MAF: variants seen among roughly 807,000 people sequenced by gnomAD.
MAF encodes transcription factor Maf.
Under a neutral mutation model 22.0 loss-of-function variants are expected in MAF, and 10 were observed. The observed-to-expected ratio is 0.45, with a 90% confidence interval of 0.28 to 0.77. The LOEUF is 0.77. MAF is among the 30% of genes least tolerant of loss of function. The pLI is 0.12. For synonymous variants in MAF, 337 were observed against 255.8 expected (o/e 1.32, Z -3.03); for missense variants, 544 against 548.4 (o/e 0.99, Z 0.08).
At chr16:79,266,425 G>A in the MAF span, among the ~76,000 whole-genome samples, 1 of 152,152 alleles carries the variant, frequency 6.6e-6, no homozygotes, top group African/African-American at 2.4e-5. Context: ...CAGAGCAAAG[G>A]GGTAGGTCCC....
At chr16:79,362,292 C>T in the MAF span, among the ~76,000 whole-genome samples, 1 of 152,204 alleles carries the variant, frequency 6.6e-6, no homozygotes, top group Non-Finnish European at 1.5e-5. Flanking sequence ...TAGCGTGCAG[C>T]ATCTGATGAC....
the MAF span, among the ~76,000 whole-genome samples, chr16:79,363,784 G>A: frequency 6.6e-6 from 1 of 152,138 alleles, no homozygotes; most frequent in African/African-American, 2.4e-5. Context: ...AGTTGTAAAG[G>A]ATCATTAAGA....
the MAF span, among the ~76,000 whole-genome samples, chr16:79,257,072 G>C: frequency 6.6e-6 from 1 of 152,152 alleles, no homozygotes; most frequent in African/African-American, 2.4e-5. Context: ...GGTTACTCGG[G>C]AGGCTGAGGC....
chr16:79,266,033 CTTTTCT>C, the MAF span, among the ~76,000 whole-genome samples: 9 of 149,512 alleles, frequency 6.0e-5, no homozygotes, highest in South Asian at 2.1e-4. Flanking sequence ...TTCTTCTTTT[CTTTTCT>C]TTTTCTTTTT....
chr16:79,503,203 T>C, the MAF span, among the ~76,000 whole-genome samples: 2 of 152,280 alleles, frequency 1.3e-5, no homozygotes, highest in African/African-American at 2.4e-5. Context: ...CCTTTGTTTC[T>C]CTTTGTTCAA....
At chr16:79,514,031 TCA>T in the MAF span, among the ~76,000 whole-genome samples, 1 of 152,212 alleles carries the variant, frequency 6.6e-6, no homozygotes, top group Non-Finnish European at 1.5e-5. Context: ...ATATCTGTTC[TCA>T]GTGTCTATTT....
chr16:79,305,219 G>A, the MAF span, among the ~76,000 whole-genome samples: 272 of 152,286 alleles, frequency 1.8e-3, 1 homozygote, highest in Non-Finnish European at 3.5e-3. Flanking sequence ...TATTACTTGG[G>A]CTCAGTGATG....
At chr16:79,360,049 C>G in the MAF span, among the ~76,000 whole-genome samples, 4 of 152,238 alleles carry the variant, frequency 2.6e-5, no homozygotes, top group South Asian at 8.3e-4. Flanking sequence ...GGGTGGCTTT[C>G]AGGTTCATGC....
chr16:79,468,527 T>C, the MAF span, among the ~76,000 whole-genome samples: 1 of 152,238 alleles, frequency 6.6e-6, no homozygotes, highest in African/African-American at 2.4e-5. Flanking sequence ...AGTGAACGAC[T>C]GCACCTGCTG....
the MAF span, among the ~76,000 whole-genome samples, chr16:79,244,664 T>G: frequency 1.3e-5 from 2 of 152,086 alleles, no homozygotes; most frequent in African/African-American, 4.8e-5. Flanking sequence ...ATAGATTCAG[T>G]GCTATCCCCA....
the MAF span, among the ~76,000 whole-genome samples, chr16:79,563,205 C>G: frequency 1.3e-5 from 2 of 152,190 alleles, no homozygotes; most frequent in Non-Finnish European, 2.9e-5. Context: ...AGGTTTTCAA[C>G]TGGATAACTC....
At chr16:79,446,767 A>T in the MAF span, among the ~76,000 whole-genome samples, 1 of 151,706 alleles carries the variant, frequency 6.6e-6, no homozygotes, top group Non-Finnish European at 1.5e-5. Context: ...AAATTAGCCG[A>T]GCACAGTGGT....
At chr16:79,474,469 C>A in the MAF span, among the ~76,000 whole-genome samples, 1 of 152,142 alleles carries the variant, frequency 6.6e-6, no homozygotes, top group Non-Finnish European at 1.5e-5. Context: ...ATGTTAAAAT[C>A]CGAGGCAAGG....
chr16:79,356,224 C>T, the MAF span, among the ~76,000 whole-genome samples: 1 of 152,106 alleles, frequency 6.6e-6, no homozygotes, highest in Non-Finnish European at 1.5e-5. Context: ...CCTTGCAATG[C>T]ACACATTCAT....
the MAF span, among the ~76,000 whole-genome samples, chr16:79,550,300 G>C: frequency 1.3e-5 from 2 of 151,950 alleles, no homozygotes; most frequent in South Asian, 2.1e-4. Context: ...GGGGGGATTA[G>C]GAAAGAGGAC....
chr16:79,331,425 C>A, the MAF span, among the ~76,000 whole-genome samples: 1 of 152,188 alleles, frequency 6.6e-6, no homozygotes, highest in Non-Finnish European at 1.5e-5. Context: ...TCTCCTTCAC[C>A]CTTCATGGCT....
At chr16:79,553,717 G>C in the MAF span, among the ~76,000 whole-genome samples, 1 of 152,186 alleles carries the variant, frequency 6.6e-6, no homozygotes, top group Non-Finnish European at 1.5e-5. Context: ...GTCTAGCATG[G>C]CAGAAAAACA....
the MAF span, among the ~76,000 whole-genome samples, chr16:79,460,426 A>C: frequency 1.3e-5 from 2 of 152,220 alleles, no homozygotes; most frequent in Non-Finnish European, 2.9e-5. Flanking sequence ...CCTTCATAAT[A>C]TACTAAACTC....
At chr16:79,552,355 C>T in the MAF span, among the ~76,000 whole-genome samples, 19 of 152,174 alleles carry the variant, frequency 1.2e-4, no homozygotes, top group East Asian at 3.5e-3. Flanking sequence ...TACTGGTGTG[C>T]ACCACCACAT....
Sources: allele counts gnomAD v4.1 joint callset (sites outside exome capture counted in the v4.1 genomes callset), GRCh38; gene constraint gnomAD v4.1.1; transcripts MANE v1.5; gene names NCBI Gene and HGNC (gene_info 2026-07-23, HGNC 2026-07-21).